NAALADL2: variants seen among roughly 807,000 people sequenced by gnomAD.
NAALADL2 encodes inactive N-acetylated-alpha-linked acidic dipeptidase-like protein 2.
A neutral mutation model predicts 87.2 loss-of-function variants in NAALADL2; 76 were observed. The ratio of observed to expected loss-of-function variants is 0.87; its 90% CI spans 0.72 to 1.05. The LOEUF is 1.05. Ranked by LOEUF, NAALADL2 falls within the 50% of genes least tolerant of loss-of-function variation. NAALADL2 has a pLI of 0.00. For synonymous variants in NAALADL2, 354 were observed against 331.0 expected, an observed-to-expected ratio of 1.07 and a Z score of -0.75; for missense variants, 1,089 against 945.8, an observed-to-expected ratio of 1.15 and a Z score of -1.99.
intron 2 of NAALADL2, among the ~76,000 whole-genome samples, chr3:174,607,255 C>A (rs1304518303): frequency 2.0e-5 from 3 of 151,936 alleles, no homozygotes; most frequent in African/African-American, 7.2e-5. Flanking sequence ...GAAACTGCAT[C>A]AACTAACAAG....
At chr3:174,741,469 A>G (rs779229500) in intron 3 of NAALADL2, among the ~76,000 whole-genome samples, 1 of 151,648 alleles carries the variant, frequency 6.6e-6, no homozygotes, top group Non-Finnish European at 1.5e-5. Flanking sequence ...TCAGGTAGAA[A>G]TGGTAATTTT....
chr3:175,771,827 G>T (rs1218915371), intron 13 of NAALADL2, among the ~76,000 whole-genome samples: 1 of 152,120 alleles, frequency 6.6e-6, no homozygotes, highest in Non-Finnish European at 1.5e-5. Flanking sequence ...AAAGGAAAGA[G>T]GTTTAATTAC....
chr3:175,458,187 A>G (rs892045132), intron 6 of NAALADL2, among the ~76,000 whole-genome samples: 2 of 152,034 alleles, frequency 1.3e-5, no homozygotes, highest in African/African-American at 4.8e-5. Flanking sequence ...TGAGTGGAGA[A>G]TAGTGTCTAG....
At chr3:174,852,857 G>A (rs559022960) in intron 3 of NAALADL2, among the ~76,000 whole-genome samples, 5 of 152,150 alleles carry the variant, frequency 3.3e-5, no homozygotes, top group African/African-American at 1.2e-4. Flanking sequence ...CATAAAAATG[G>A]ATGCATAGAT....
At chr3:174,556,013 G>A (rs1008516945) in intron 2 of NAALADL2, among the ~76,000 whole-genome samples, 3 of 117,226 alleles carry the variant, frequency 2.6e-5, no homozygotes, top group East Asian at 2.0e-4. Context: ...GTGTGTGCGC[G>A]CACGTGAGTG....
intron 3 of NAALADL2, among the ~76,000 whole-genome samples, chr3:174,753,032 T>C (rs749031935): frequency 1.3e-5 from 2 of 152,228 alleles, no homozygotes; most frequent in African/African-American, 2.4e-5. Flanking sequence ...TATTTGTGCA[T>C]GTGTGTTTTG....
chr3:175,722,775 T>C (rs1292540466), intron 11 of NAALADL2, among the ~76,000 whole-genome samples: 1 of 152,146 alleles, frequency 6.6e-6, no homozygotes, highest in Non-Finnish European at 1.5e-5. Flanking sequence ...CAGTGAAAGG[T>C]CTGGCACATA....
chr3:175,608,533 C>A (rs1724103629), intron 10 of NAALADL2, among the ~76,000 whole-genome samples: 1 of 151,916 alleles, frequency 6.6e-6, no homozygotes, highest in Non-Finnish European at 1.5e-5. Flanking sequence ...TTCTTTTTAT[C>A]CTCTCTCCCA....
chr3:175,792,596 ATATC>A (rs1328733896), intron 13 of NAALADL2, among the ~76,000 whole-genome samples: 2 of 152,196 alleles, frequency 1.3e-5, no homozygotes, highest in Non-Finnish European at 2.9e-5. Context: ...AAAGAAAACT[ATATC>A]TATAATTGTA....
intron 1 of NAALADL2, among the ~76,000 whole-genome samples, chr3:174,964,544 T>A (rs188829116): frequency 2.9e-4 from 44 of 152,150 alleles, no homozygotes; most frequent in African/African-American, 9.6e-4. Flanking sequence ...TTAGAGGTCT[T>A]GCAGAGCAGA....
intron 11 of NAALADL2, among the ~76,000 whole-genome samples, chr3:175,714,920 A>G (rs1741030229): frequency 6.6e-6 from 1 of 152,222 alleles, no homozygotes; most frequent in Non-Finnish European, 1.5e-5. Flanking sequence ...ACCTAAAACC[A>G]TAAAAACCCT....
At chr3:175,100,235 G>GA (rs898448526) in intron 2 of NAALADL2, among the ~76,000 whole-genome samples, 2 of 151,946 alleles carry the variant, frequency 1.3e-5, no homozygotes, top group African/African-American at 4.8e-5. Context: ...TGTAAAGCTT[G>GA]AAAAAAATGA....
rs140768216 is a variant in NAALADL2 at position 175,631,826 on chromosome 3, C to G, written c.1896+4440C>G. 2.1e-3 allele frequency among the ~76,000 whole-genome samples: 314 copies of G among 151,986 alleles called. 4 individuals carry two copies. Among genetic ancestry groups the G allele is most frequent in the African/African-American group, 7.4e-3 (306 of 41,476 alleles). ...AAATAGGCTTATTTCTCCTTCCACA[C>G]CTAGGAATTTTCTAGTTATGTTTCT... On this transcript the variant is annotated intron_variant, in intron 11 of 13. Transcript: ENST00000454872.
intron 3 of NAALADL2, among the ~76,000 whole-genome samples, chr3:174,825,886 G>A (rs1420801059): frequency 6.6e-6 from 1 of 152,076 alleles, no homozygotes; most frequent in African/African-American, 2.4e-5. Flanking sequence ...AATTAGGCGG[G>A]CGTGGTGGCG....
At chr3:175,218,258 G>A in intron 2 of NAALADL2, 2 of 266,106 alleles carry the variant, frequency 7.5e-6, no homozygotes, top group Non-Finnish European at 7.7e-6. Context: ...AAAACCAATG[G>A]GTTATATACA....
chr3:174,599,244 C>G (rs1718214494), intron 2 of NAALADL2, among the ~76,000 whole-genome samples: 2 of 152,092 alleles, frequency 1.3e-5, no homozygotes, highest in African/African-American at 4.8e-5. Context: ...TAGTAGATCT[C>G]ATAGGTTTAG....
At chr3:175,786,520 G>A (rs1417199798) in intron 13 of NAALADL2, among the ~76,000 whole-genome samples, 11 of 151,906 alleles carry the variant, frequency 7.2e-5, no homozygotes, top group Non-Finnish European at 8.8e-5. Context: ...CATTCTTCAC[G>A]TAGTTCTCGA....
chr3:174,860,219 T>G (rs2109530409), intron 1 of NAALADL2, among the ~76,000 whole-genome samples: 1 of 152,282 alleles, frequency 6.6e-6, no homozygotes, highest in African/African-American at 2.4e-5. Context: ...TGCATGATCC[T>G]AAAAATATAT....
chr3:175,387,136 C>T (rs1768486015), intron 5 of NAALADL2, among the ~76,000 whole-genome samples: 1 of 151,926 alleles, frequency 6.6e-6, no homozygotes, highest in Non-Finnish European at 1.5e-5. Context: ...ATGAGATAAG[C>T]ACTAAAAGTG....
Sources: gnomAD v4.1 joint callset for allele counts (sites outside exome capture counted in the v4.1 genomes callset) on GRCh38, gnomAD v4.1.1 for gene constraint, MANE v1.5 for transcripts, NCBI Gene and HGNC (gene_info 2026-07-23, HGNC 2026-07-21) for gene names.